GPHN: variants seen among roughly 807,000 people sequenced by gnomAD.
The protein encoded by GPHN is gephyrin.
In GPHN, 17 loss-of-function variants were observed where a neutral mutation model predicts 95.5. The ratio of observed to expected loss-of-function variants is 0.18; its 90% CI spans 0.12 to 0.27. The LOEUF (loss-of-function observed/expected upper bound fraction) is 0.27. GPHN is among the 10% of genes least tolerant of loss of function. The probability of loss-of-function intolerance (pLI) is 1.00; values close to 1 mark genes in which losing one functional copy is unlikely to be tolerated. For synonymous variants in GPHN, 320 were observed against 322.5 expected (o/e 0.99, Z 0.08); for missense variants, 660 against 978.1 (o/e 0.67, Z 4.34).
chr14:67,401,862 G>A, the GPHN span, among the ~76,000 whole-genome samples: 1 of 152,172 alleles, frequency 6.6e-6, no homozygotes, highest in African/African-American at 2.4e-5. Flanking sequence ...GGTGGCTCAC[G>A]CCTGTAATTC....
At chr14:67,329,373 T>C in the GPHN span, among the ~76,000 whole-genome samples, 2 of 152,184 alleles carry the variant, frequency 1.3e-5, no homozygotes, top group Non-Finnish European at 2.9e-5. Flanking sequence ...TAAGGAGATT[T>C]TGGGCTGAGA....
At chr14:66,682,473 C>T (rs936936519) in intron 2 of GPHN, among the ~76,000 whole-genome samples, 1 of 152,048 alleles carries the variant, frequency 6.6e-6, no homozygotes, top group African/African-American at 2.4e-5. Context: ...AATTACTGGC[C>T]AGGCGTGGTG....
At chr14:67,725,101 G>A in the GPHN span, 4 of 1,614,050 alleles carry the variant, frequency 2.5e-6, no homozygotes, top group African/African-American at 1.3e-5. Context: ...GGACCCAGGA[G>A]CCCGAGTCTA....
intron 1 of GPHN, among the ~76,000 whole-genome samples, chr14:66,539,070 AT>A (rs2059250071): frequency 6.6e-6 from 1 of 152,020 alleles, no homozygotes; most frequent in Admixed American, 6.5e-5. Flanking sequence ...AGACTGTCAG[AT>A]TTCTTCTCCA....
intron 1 of GPHN, among the ~76,000 whole-genome samples, chr14:66,624,182 T>C (rs1479572645): frequency 6.6e-6 from 1 of 152,214 alleles, no homozygotes; most frequent in Non-Finnish European, 1.5e-5. Flanking sequence ...CATTTCATAA[T>C]TTCTGGAAAC....
chr14:67,534,779 A>G, the GPHN span, among the ~76,000 whole-genome samples: 1 of 151,952 alleles, frequency 6.6e-6, no homozygotes, highest in Non-Finnish European at 1.5e-5. Context: ...TGTTCCTCCC[A>G]TTCCTGATAG....
the GPHN span, among the ~76,000 whole-genome samples, chr14:67,720,484 C>T: frequency 1.1e-4 from 17 of 152,186 alleles, no homozygotes; most frequent in African/African-American, 4.1e-4. Context: ...CTCATACTTA[C>T]GTCTTTGAGG....
chr14:67,219,365 C>T, the GPHN span, among the ~76,000 whole-genome samples: 1 of 152,190 alleles, frequency 6.6e-6, no homozygotes, highest in East Asian at 1.9e-4. Context: ...CCCTCCTGGA[C>T]TTTCCATCAC....
At chr14:67,663,001 T>A in the GPHN span, 1 of 1,408,290 alleles carries the variant, frequency 7.1e-7, no homozygotes, top group African/African-American at 1.5e-5. Flanking sequence ...CGTACACTAC[T>A]TTTCTGCAAA....
chr14:67,685,652 G>T, the GPHN span, among the ~76,000 whole-genome samples: 1 of 150,870 alleles, frequency 6.6e-6, no homozygotes, highest in Non-Finnish European at 1.5e-5. Flanking sequence ...AGACAGGCTT[G>T]CTGTGTTGCC....
At chr14:67,350,081 A>T in the GPHN span, among the ~76,000 whole-genome samples, 1 of 152,254 alleles carries the variant, frequency 6.6e-6, no homozygotes, top group African/African-American at 2.4e-5. Context: ...AACATATGTA[A>T]ATTGGCATAA....
At chr14:67,329,629 C>T in the GPHN span, among the ~76,000 whole-genome samples, 1 of 151,974 alleles carries the variant, frequency 6.6e-6, no homozygotes, top group Non-Finnish European at 1.5e-5. Context: ...ATAAATAGCT[C>T]TTATTATTTT....
chr14:66,931,927 G>C (rs1202613434), intron 8 of GPHN, among the ~76,000 whole-genome samples: 1 of 152,190 alleles, frequency 6.6e-6, no homozygotes, highest in East Asian at 1.9e-4. Context: ...GCTTGTGGCT[G>C]TTCATCAGTA....
At chr14:66,753,426 G>C (rs1344373519) in intron 2 of GPHN, among the ~76,000 whole-genome samples, 2 of 151,850 alleles carry the variant, frequency 1.3e-5, no homozygotes, top group Non-Finnish European at 2.9e-5. Flanking sequence ...ACAGATTTAG[G>C]ATAAATAATA....
chr14:67,220,679 A>C, the GPHN span, among the ~76,000 whole-genome samples: 1 of 152,152 alleles, frequency 6.6e-6, no homozygotes, highest in Non-Finnish European at 1.5e-5. Context: ...CCTTTGTTTC[A>C]AAGAGGATAG....
At chr14:67,320,159 T>G in the GPHN span, 5 of 1,410,556 alleles carry the variant, frequency 3.5e-6, no homozygotes, top group South Asian at 1.5e-5. Flanking sequence ...TGGGTGAAGA[T>G]CTATGAGTAT....
At chr14:66,726,260 A>G (rs2071224814) in intron 2 of GPHN, among the ~76,000 whole-genome samples, 2 of 152,216 alleles carry the variant, frequency 1.3e-5, no homozygotes, top group African/African-American at 4.8e-5. Flanking sequence ...AATGTGGAAT[A>G]ATTTACACTT....
At chr14:67,363,275 A>G in the GPHN span, among the ~76,000 whole-genome samples, 1 of 151,894 alleles carries the variant, frequency 6.6e-6, no homozygotes, top group African/African-American at 2.4e-5. Flanking sequence ...GGGTAAGGCC[A>G]TTGAATGTCT....
At chr14:67,397,822 T>C in the GPHN span, 1 of 1,609,554 alleles carries the variant, frequency 6.2e-7, no homozygotes, top group Middle Eastern at 1.7e-4. Context: ...GTGGACAATG[T>C]GGCCCTATGG....
Sources: allele counts gnomAD v4.1 joint callset (sites outside exome capture counted in the v4.1 genomes callset), GRCh38; gene constraint gnomAD v4.1.1; transcripts MANE v1.5; gene names NCBI Gene and HGNC (gene_info 2026-07-23, HGNC 2026-07-21).